Variants in KIAA1217 observed in about 807,000 individuals in gnomAD.
KIAA1217 encodes sickle tail protein homolog.
A neutral mutation model predicts 163.9 loss-of-function variants in KIAA1217; 88 were observed. That is an observed-to-expected ratio of 0.54 (90% confidence interval 0.45 to 0.64). KIAA1217 has a LOEUF of 0.64. Ranked by LOEUF, KIAA1217 falls within the 30% of genes least tolerant of loss-of-function variation. The pLI is 0.00. For synonymous variants in KIAA1217, 903 were observed against 923.1 expected (o/e 0.98, Z 0.39); for missense variants, 2,372 against 2,475.0 (o/e 0.96, Z 0.88).
intron 2 of KIAA1217, among the ~76,000 whole-genome samples, chr10:24,189,677 G>A (rs1184344942): frequency 2.0e-5 from 3 of 152,158 alleles, no homozygotes; most frequent in South Asian, 2.1e-4. Flanking sequence ...GGAAGACTGC[G>A]TGTTTTTATG....
chr10:23,746,099 G>A (rs1839399434), intron 1 of KIAA1217, among the ~76,000 whole-genome samples: 2 of 152,184 alleles, frequency 1.3e-5, no homozygotes, highest in African/African-American at 4.8e-5. Context: ...AGCCTAAGAG[G>A]AGATGTTCGG....
At chr10:24,370,103 C>T (rs574671314) in intron 2 of KIAA1217, among the ~76,000 whole-genome samples, 1 of 151,916 alleles carries the variant, frequency 6.6e-6, no homozygotes, top group East Asian at 2.0e-4. Flanking sequence ...ATCTCTACTA[C>T]AAATATAAAA....
intron 2 of KIAA1217, among the ~76,000 whole-genome samples, chr10:24,325,459 G>A (rs1407585575): frequency 6.6e-6 from 1 of 152,126 alleles, no homozygotes; most frequent in South Asian, 2.1e-4. Context: ...AGGTCATCTT[G>A]GTTCCAGCCT....
At chr10:24,135,813 A>G (rs912239651) in intron 2 of KIAA1217, among the ~76,000 whole-genome samples, 1 of 152,142 alleles carries the variant, frequency 6.6e-6, no homozygotes, top group Admixed American at 6.5e-5. Flanking sequence ...AATAGGTTCT[A>G]AGTGACACCT....
rs2044149021 is a variant in KIAA1217, at chr10:24,321,470, T to C, written c.355-59399T>C. Among the ~76,000 whole-genome samples, 7 of 151,996 alleles carry C rather than the reference T, an allele frequency of 4.6e-5. No homozygotes were observed. In the South Asian group the frequency reaches 1.5e-3, roughly 32 times the overall value. On this transcript the variant is annotated intron_variant, in intron 2 of 20. Transcript: ENST00000376454. ...ATTGCTTGAACCCAGGAGGCAGAGG[T>C]TGCAGTGAGCCAAGATCGCGCCACT...
At chr10:23,715,461 G>C (rs1447577931) in intron 1 of KIAA1217, among the ~76,000 whole-genome samples, 1 of 152,248 alleles carries the variant, frequency 6.6e-6, no homozygotes, top group East Asian at 1.9e-4. Flanking sequence ...TAGAATATGT[G>C]ATGTAAGTAA....
rs1273801147 is a variant in KIAA1217 at position 24,524,683 on chromosome 10, C to T, written c.2817C>T (p.Pro939=). 1.2e-6 allele frequency: 2 copies of T among 1,614,004 alleles called. No homozygotes were observed. The highest frequency in any genetic ancestry group is 2.2e-5 in the East Asian group (1 of 44,894). ...AGGCTCCGCAGTCCCCACAGATACC[C>T]ATGAATGGGTCTGCCATGCAGAGCT... ...MSQAPQSPQI[P]MNGSAMQSLF... Residue 939 remains proline, a synonymous_variant, in exon 13 of 21, where the codon CCC becomes CCT. Transcript: ENST00000376454.
intron 1 of KIAA1217, among the ~76,000 whole-genome samples, chr10:23,922,058 A>C (rs140287955): frequency 0.02 from 3,113 of 151,914 alleles, 55 homozygotes; most frequent in Admixed American, 0.063. Flanking sequence ...CCCCCCACCA[A>C]CAGCCTCCTG....
chr10:23,920,404 C>CT (rs1842809409), intron 1 of KIAA1217, among the ~76,000 whole-genome samples: 1 of 152,110 alleles, frequency 6.6e-6, no homozygotes, highest in Non-Finnish European at 1.5e-5. Context: ...TATTCTATTT[C>CT]TGGACTGATA....
At position 24,439,664 on chromosome 10, in the gene KIAA1217, T is replaced by TC. The variant is rs1554870103; in HGVS notation, c.846+1190dup. Reference sequence around the variant, plus strand: ...GAGAATCTTTTCTTTTTTTTTTTTTTCCCCCAACTTCTAGAGGTCATCAAC... The same window carrying TC: ...GAGAATCTTTTCTTTTTTTTTTTTTTCCCCCCAACTTCTAGAGGTCATCAAC... On this transcript the variant is annotated intron_variant, in intron 5 of 20. Coordinates refer to ENST00000376454, the MANE Select transcript of KIAA1217 (RefSeq NM_019590.5). 2.3e-3 allele frequency among the ~76,000 whole-genome samples: 352 copies of TC among 150,960 alleles called. 2 individuals carry two copies. The highest frequency in any genetic ancestry group is 8.0e-3 in the African/African-American group (327 of 41,094).
chr10:23,821,900 T>C (rs1484056580), intron 1 of KIAA1217, among the ~76,000 whole-genome samples: 1 of 152,136 alleles, frequency 6.6e-6, no homozygotes, highest in Non-Finnish European at 1.5e-5. Flanking sequence ...GTCCAAACCC[T>C]TGGGGCCTAA....
At chr10:24,269,790 T>C (rs2076596734) in intron 2 of KIAA1217, among the ~76,000 whole-genome samples, 1 of 152,234 alleles carries the variant, frequency 6.6e-6, no homozygotes, top group South Asian at 2.1e-4. Context: ...ACTGCAGATA[T>C]TTATCAAGGG....
chr10:24,148,559 A>G (rs2064449697), intron 2 of KIAA1217, among the ~76,000 whole-genome samples: 1 of 152,120 alleles, frequency 6.6e-6, no homozygotes, highest in South Asian at 2.1e-4. Flanking sequence ...AGTTCCCGCA[A>G]GAGTTGGTTG....
At chr10:24,296,512 C>A (rs1022778126) in intron 2 of KIAA1217, among the ~76,000 whole-genome samples, 1 of 152,040 alleles carries the variant, frequency 6.6e-6, no homozygotes, top group Non-Finnish European at 1.5e-5. Flanking sequence ...CAGAGACTCC[C>A]TGGATAGCTA....
At chr10:24,313,277 C>T (rs913200370) in intron 2 of KIAA1217, among the ~76,000 whole-genome samples, 11 of 152,106 alleles carry the variant, frequency 7.2e-5, no homozygotes, top group African/African-American at 2.4e-4. Flanking sequence ...TGACAGGAGC[C>T]CTCATTGCCA....
intron 2 of KIAA1217, among the ~76,000 whole-genome samples, chr10:24,109,716 G>C (rs1021058804): frequency 1.3e-5 from 2 of 152,178 alleles, no homozygotes; most frequent in Non-Finnish European, 2.9e-5. Flanking sequence ...AAAGAACGAG[G>C]AATAAGAAGT....
intron 1 of KIAA1217, among the ~76,000 whole-genome samples, chr10:23,790,164 CAT>C (rs1381240813): frequency 1.6e-5 from 1 of 61,432 alleles, no homozygotes; most frequent in Non-Finnish European, 2.8e-5. Context: ...TGCATATACA[CAT>C]ATACACATAT....
chr10:24,350,280 G>T, intron 2 of KIAA1217, among the ~76,000 whole-genome samples: 1 of 152,308 alleles, frequency 6.6e-6, no homozygotes, highest in South Asian at 2.1e-4. Context: ...CAACATTGAG[G>T]GAGAACATTC....
intron 1 of KIAA1217, among the ~76,000 whole-genome samples, chr10:23,703,867 CTT>C (rs995693769): frequency 2.1e-4 from 32 of 151,658 alleles, no homozygotes; most frequent in African/African-American, 7.5e-4. Flanking sequence ...GTCACATACT[CTT>C]TTTTATTTTT....
Sources: allele counts gnomAD v4.1 joint callset (sites outside exome capture counted in the v4.1 genomes callset), GRCh38; gene constraint gnomAD v4.1.1; transcripts MANE v1.5; gene names NCBI Gene and HGNC (gene_info 2026-07-23, HGNC 2026-07-21).